Variants in CDC25B observed in about 807,000 individuals in gnomAD.
The protein encoded by CDC25B is cell division cycle 25B, also known as M-phase inducer phosphatase 2.
In CDC25B, 33 loss-of-function variants were observed where a neutral mutation model predicts 69.8. That is an observed-to-expected ratio of 0.47 (90% CI 0.36 to 0.63). CDC25B has a LOEUF of 0.63. CDC25B is among the 30% of genes least tolerant of loss of function. The probability of loss-of-function intolerance (pLI) is 0.00; values close to 1 mark genes in which losing one functional copy is unlikely to be tolerated. For missense variants in CDC25B, 727 were observed against 809.1 expected (o/e 0.90, Z 1.23); for synonymous variants, 341 against 314.6 (o/e 1.08, Z -0.89).
chr20:3,788,318 G>A (rs951562862), intron 1 of CDC25B, among the ~76,000 whole-genome samples: 8 of 152,160 alleles, frequency 5.3e-5, no homozygotes, highest in African/African-American at 1.9e-4. Context: ...TGAATCCTGT[G>A]AATTTTCTAG....
At chr20:3,801,144 A>G in intron 7 of CDC25B, 51 bp downstream of exon 7, 1 of 1,609,406 alleles carries the variant, frequency 6.2e-7, no homozygotes. Context: ...GCAGCCTCGG[A>G]GAAGAGGAGG....
Position 3,804,967 on chromosome 20 carries a change from C to T in CDC25B, c.*6C>T, listed in dbSNP as rs1330440463. The T allele has an allele frequency of 6.2e-7, 1 of 1,610,474 alleles. No homozygotes were observed. Among genetic ancestry groups the T allele is most frequent in the Non-Finnish European group, 8.5e-7 (1 of 1,179,658 alleles). On this transcript the variant is annotated 3_prime_UTR_variant, in exon 16 of 16. Transcript: ENST00000245960. ...GCCGGCTGCAGGACCAGTGAGGGGC[C>T]TGCGCCAGTCCTGCTACCTCCCTTG...
rs562736426 is a variant in CDC25B, at chr20:3,801,107, G to C, written c.705+14G>C. On this transcript the variant is annotated intron_variant, in intron 7 of 15. Coordinates refer to ENST00000245960, the MANE Select transcript of CDC25B (RefSeq NM_021873.4). ...CCCGACCTGATGGTACATCCAGAGA[G>C]CGGATCCCTGGGAGGGGCCTGGGGA... is the stretch of plus-strand genomic sequence containing the variant. The C allele has an allele frequency of 1.2e-6, 2 of 1,613,730 alleles. No individual in the cohort carries two copies. Among genetic ancestry groups the C allele is most frequent in the Non-Finnish European group, 8.5e-7 (1 of 1,179,702 alleles).
chr20:3,796,426 C>T lies in CDC25B; in HGVS notation c.-106C>T, dbSNP rs560932739. ...CTTCCTCCCTCCCTCCTTCCCCCCCCCCCCACCCCTCGCCCGCTGCCTCCC... is the reference window on the plus strand; with the variant it reads ...CTTCCTCCCTCCCTCCTTCCCCCCCTCCCCACCCCTCGCCCGCTGCCTCCC... On this transcript the variant is annotated 5_prime_UTR_variant, in exon 1 of 16. Transcript: ENST00000245960. 65 of 227,402 alleles carry T rather than the reference C, an allele frequency of 2.9e-4. 2 individuals carry two copies. The highest frequency in any genetic ancestry group is 3.9e-4 in the Non-Finnish European group (52 of 134,020). 14.1% of individuals were successfully genotyped at this position (227,402 alleles called of 1,614,324 possible).
chr20:3,796,759 G>A (rs752390031), intron 1 of CDC25B, 28 bp downstream of exon 1: 5 of 1,540,194 alleles, frequency 3.2e-6, no homozygotes, highest in Non-Finnish European at 4.3e-6. Flanking sequence ...GGCTGCATAT[G>A]GGGGTGAGAG....
chr20:3,796,108 G>A (rs1600385045), upstream of CDC25B: 4 of 1,022,956 alleles, frequency 3.9e-6, no homozygotes, highest in East Asian at 2.1e-4. Context: ...CCTCGCGCCA[G>A]GGGGATGTGC....
chr20:3,791,843 TG>T (rs1251020618), upstream of CDC25B, among the ~76,000 whole-genome samples: 2 of 152,200 alleles, frequency 1.3e-5, no homozygotes, highest in African/African-American at 4.8e-5. Flanking sequence ...AAATATATAT[TG>T]TTATGGTACT....
intron 1 of CDC25B, among the ~76,000 whole-genome samples, chr20:3,797,131 C>T (rs2089086389): frequency 6.6e-6 from 1 of 152,170 alleles, no homozygotes; most frequent in East Asian, 1.9e-4. Context: ...CATCCATGCC[C>T]CTGCTCCCTC....
chr20:3,794,883 G>A (rs1276107659), upstream of CDC25B, among the ~76,000 whole-genome samples: 1 of 152,094 alleles, frequency 6.6e-6, no homozygotes, highest in East Asian at 1.9e-4. Flanking sequence ...CACGAGAAGG[G>A]GTACTCCTGC....
At position 3,804,614 on chromosome 20, in the gene CDC25B, C is replaced by T. The variant is rs1268235849; in HGVS notation, c.1536C>T (p.Pro512=). 5 of 1,614,156 alleles carry T rather than the reference C, an allele frequency of 3.1e-6. No individual in the cohort carries two copies. Among genetic ancestry groups the T allele is most frequent in the Non-Finnish European group, 3.4e-6 (4 of 1,179,986 alleles). ...RERDRAVNDY[P]SLYYPEMYIL... ...GAGACCGTGCTGTCAACGACTACCC[C>T]AGCCTCTACTACCCTGAGATGTATA... Residue 512 remains proline (P), a synonymous_variant, in exon 15 of 16, where the codon CCC becomes CCT. Coordinates refer to ENST00000245960, the MANE Select transcript of CDC25B (RefSeq NM_021873.4).
At chr20:3,796,780 G>C (rs531731923) in intron 1 of CDC25B, 49 bp downstream of exon 1, 87 of 1,521,102 alleles carry the variant, frequency 5.7e-5, no homozygotes, top group Non-Finnish European at 7.3e-5. Flanking sequence ...GCTAGGTCTG[G>C]AGTCCTGGGC....
At chr20:3,802,838 T>G in intron 11 of CDC25B, 72 bp from the exon 12 acceptor site, 1 of 1,302,806 alleles carries the variant, frequency 7.7e-7, no homozygotes, top group Non-Finnish European at 1.1e-6. Context: ...GAATGAAACT[T>G]CATTCTTTGA....
upstream of CDC25B, among the ~76,000 whole-genome samples, chr20:3,793,602 T>G (rs538581351): frequency 1.5e-3 from 226 of 150,786 alleles, 1 homozygote; most frequent in Non-Finnish European, 2.5e-3. Context: ...TATTTTTTTA[T>G]TTTATTATTA....
intron 2 of CDC25B, among the ~76,000 whole-genome samples, chr20:3,798,065 G>T (rs1046464263): frequency 6.6e-6 from 1 of 152,166 alleles, no homozygotes; most frequent in Non-Finnish European, 1.5e-5. Context: ...CTGAGAGTTG[G>T]TCTTTAAAAC....
chr20:3,798,320 T>A (rs751783090), intron 2 of CDC25B, 92 bp from the exon 3 acceptor site: 1 of 376,492 alleles, frequency 2.7e-6, no homozygotes, highest in African/African-American at 2.2e-5. Flanking sequence ...AAACTGTTTT[T>A]TTTTTTTTTT....
intron 1 of CDC25B, among the ~76,000 whole-genome samples, chr20:3,790,376 ATTTTTTT>A (rs1172663396): frequency 3.7e-4 from 46 of 125,738 alleles, no homozygotes; most frequent in Non-Finnish European, 7.1e-4. Flanking sequence ...CCATTTTGGA[ATTTTTTT>A]TTTTTTTTTT....
chr20:3,789,305 G>A (rs2146647299), intron 1 of CDC25B, among the ~76,000 whole-genome samples: 1 of 152,338 alleles, frequency 6.6e-6, no homozygotes, highest in East Asian at 1.9e-4. Context: ...CACGATCATA[G>A]TTCATTGCAG....
chr20:3,804,572 C>T lies in CDC25B; in HGVS notation c.1494C>T (p.Cys498=). Residue 498 remains cysteine (C), a synonymous_variant, in exon 15 of 16, where the codon TGC becomes TGT. Transcript: ENST00000245960. The stretch of plus-strand genomic sequence containing the variant: ...CACCCTGCCCATGACGCCCCAGGTG[C>T]CGTTTCATCAGGGAACGAGACCGTG... The part of the protein sequence containing the change: ...EFSSERGPRM[C]RFIRERDRAV... The T allele has an allele frequency of 6.2e-7, 1 of 1,609,828 alleles. No individual in the cohort carries two copies.
chr20:3,799,781 G>A (rs2089208647), intron 3 of CDC25B, among the ~76,000 whole-genome samples: 1 of 152,108 alleles, frequency 6.6e-6, no homozygotes, highest in Admixed American at 6.5e-5. Context: ...CCCTAAAGCA[G>A]GCCCCAGTCC....
Sources: gnomAD v4.1 joint callset for allele counts (sites outside exome capture counted in the v4.1 genomes callset) on GRCh38, gnomAD v4.1.1 for gene constraint, MANE v1.5 for transcripts, NCBI Gene and HGNC (gene_info 2026-07-23, HGNC 2026-07-21) for gene names.